Variants in DCAF6 observed in about 807,000 individuals in gnomAD.
DCAF6 encodes the protein DDB1 and CUL4 associated factor 6, also known as DDB1- and CUL4-associated factor 6.
DCAF6 carries 54 observed loss-of-function variants against 125.1 expected under a neutral mutation model. The ratio of observed to expected loss-of-function variants is 0.43; its 90% CI spans 0.35 to 0.54. The LOEUF (loss-of-function observed/expected upper bound fraction) is 0.54, where lower values mean the gene tolerates loss of function less well. DCAF6 is among the 20% of genes least tolerant of loss of function. The pLI is 0.01. For missense variants in DCAF6, 934 were observed against 1,161.7 expected, an observed-to-expected ratio of 0.80 and a Z score of 2.85; for synonymous variants, 371 against 390.4, an observed-to-expected ratio of 0.95 and a Z score of 0.58.
chr1:168,013,927 A>G (rs1156939283), intron 10 of DCAF6, among the ~76,000 whole-genome samples: 1 of 151,974 alleles, frequency 6.6e-6, no homozygotes, highest in Non-Finnish European at 1.5e-5. Flanking sequence ...TTGTGGAAAC[A>G]GGATCTCACT....
At chr1:167,918,258 A>G in the DCAF6 span, 1 of 1,324,804 alleles carries the variant, frequency 7.5e-7, no homozygotes, top group African/African-American at 1.5e-5. Context: ...ATCAATAACC[A>G]AATAATAAAC....
chr1:167,935,851 G>C, upstream of DCAF6: 1 of 1,546,694 alleles, frequency 6.5e-7, no homozygotes, highest in Non-Finnish European at 8.7e-7. Context: ...TCGCCGCCGA[G>C]GGATCGTTGG....
chr1:167,913,228 G>C, the DCAF6 span, among the ~76,000 whole-genome samples: 2 of 152,130 alleles, frequency 1.3e-5, no homozygotes, highest in Non-Finnish European at 2.9e-5. Flanking sequence ...GATAAACCAA[G>C]AAGGATTCCT....
intron 1 of DCAF6, among the ~76,000 whole-genome samples, chr1:167,938,619 G>T (rs1671733097): frequency 6.6e-6 from 1 of 152,114 alleles, no homozygotes; most frequent in Admixed American, 6.5e-5. Context: ...ATTTCTTTTA[G>T]AATTTATTTG....
At chr1:168,068,259 C>A in intron 20 of DCAF6, 99 bp from the exon 21 acceptor site, 1 of 713,722 alleles carries the variant, frequency 1.4e-6, no homozygotes, top group Non-Finnish European at 2.4e-6. Flanking sequence ...TGAAGTAATT[C>A]CTCCTGGTAC....
rs546509025 is a variant in DCAF6 at position 167,972,053 on chromosome 1, G to A, written c.253-2777G>A. ...GTATTTTTAGTGGAGATGGGGTTTC[G>A]CCATGTTGGGCAGGCTGGTCTCGAA... On this transcript the variant is annotated intron_variant, in intron 3 of 21. Coordinates refer to ENST00000367840, the MANE Select transcript of DCAF6 (RefSeq NM_001198956.2). 7.2e-5 allele frequency among the ~76,000 whole-genome samples: 11 copies of A among 152,128 alleles called. No homozygotes were observed. In the East Asian group the frequency reaches 1.9e-3, roughly 27 times the overall value.
At chr1:168,008,848 CCCCCGCCCCA>C in intron 10 of DCAF6, among the ~76,000 whole-genome samples, 1 of 121,566 alleles carries the variant, frequency 8.2e-6, no homozygotes, top group South Asian at 3.4e-4. Flanking sequence ...GCCCTGCCCT[CCCCCGCCCCA>C]CCCCGCCTCC....
At chr1:168,037,616 T>C (rs2101731321) in intron 12 of DCAF6, among the ~76,000 whole-genome samples, 1 of 152,246 alleles carries the variant, frequency 6.6e-6, no homozygotes, top group East Asian at 1.9e-4. Context: ...CTCTATTAAT[T>C]TGTGTAGGCT....
the DCAF6 span, among the ~76,000 whole-genome samples, chr1:167,890,886 C>T: frequency 1.8e-4 from 28 of 152,142 alleles, no homozygotes; most frequent in African/African-American, 6.3e-4. Flanking sequence ...CACAGCTTTC[C>T]CAAGGTCACA....
the DCAF6 span, chr1:167,883,546 T>C: frequency 1.2e-6 from 2 of 1,614,248 alleles, no homozygotes; most frequent in Non-Finnish European, 8.5e-7. Context: ...TGCTTTGTCT[T>C]GGTCTTCAAA....
At chr1:168,004,868 T>C in intron 10 of DCAF6, 75 bp downstream of exon 10, 1 of 1,477,784 alleles carries the variant, frequency 6.8e-7, no homozygotes, top group Non-Finnish European at 9.2e-7. Context: ...TTTTGAAAGA[T>C]ACTAAATCAC....
chr1:167,899,411 C>A, the DCAF6 span: 1 of 1,613,846 alleles, frequency 6.2e-7, no homozygotes, highest in East Asian at 2.2e-5. Context: ...TAAGTAGCAG[C>A]ATCACACCCA....
chr1:168,046,091 C>T (rs755823075), intron 16 of DCAF6, among the ~76,000 whole-genome samples: 3 of 152,088 alleles, frequency 2.0e-5, no homozygotes, highest in Non-Finnish European at 2.9e-5. Flanking sequence ...ATTTACCACT[C>T]ATAGTCAAGA....
intron 6 of DCAF6, among the ~76,000 whole-genome samples, chr1:167,991,654 A>G (rs1245918025): frequency 6.6e-6 from 1 of 152,186 alleles, no homozygotes. Context: ...GTCTGAAATC[A>G]GGATGTCTTA....
intron 10 of DCAF6, among the ~76,000 whole-genome samples, chr1:168,013,587 C>T (rs180696682): frequency 1.3e-5 from 2 of 152,254 alleles, no homozygotes; most frequent in East Asian, 1.9e-4. Flanking sequence ...TCCTCTGATA[C>T]ACTGGAACTT....
the DCAF6 span, among the ~76,000 whole-genome samples, chr1:167,910,145 C>T: frequency 2.6e-5 from 4 of 152,140 alleles, no homozygotes; most frequent in African/African-American, 7.2e-5. Flanking sequence ...TTCTTTAACC[C>T]GGGTGTCTAA....
intron 11 of DCAF6, among the ~76,000 whole-genome samples, chr1:168,022,733 G>C (rs557846778): frequency 2.0e-5 from 3 of 152,222 alleles, no homozygotes; most frequent in South Asian, 4.2e-4. Context: ...TCTGGTATAC[G>C]AATTTGATAA....
the DCAF6 span, among the ~76,000 whole-genome samples, chr1:167,873,893 A>G: frequency 6.6e-6 from 1 of 152,266 alleles, no homozygotes; most frequent in Non-Finnish European, 1.5e-5. Flanking sequence ...AATTGAGAGT[A>G]AAAAGGCAAA....
At chr1:167,914,858 T>C in the DCAF6 span, among the ~76,000 whole-genome samples, 1 of 152,204 alleles carries the variant, frequency 6.6e-6, no homozygotes, top group Non-Finnish European at 1.5e-5. Context: ...CTGTAATTGT[T>C]TACTGTGTAC....
Sources: gnomAD v4.1 joint callset for allele counts (sites outside exome capture counted in the v4.1 genomes callset) on GRCh38, gnomAD v4.1.1 for gene constraint, MANE v1.5 for transcripts, NCBI Gene and HGNC (gene_info 2026-07-23, HGNC 2026-07-21) for gene names.